Variants in NFIB observed in about 807,000 individuals in gnomAD.
NFIB encodes nuclear factor I B.
NFIB carries 11 observed loss-of-function variants against 61.5 expected under a neutral mutation model. The ratio of observed to expected loss-of-function variants is 0.18; its 90% CI spans 0.11 to 0.30. The LOEUF is 0.30. NFIB is among the 10% of genes least tolerant of loss of function. The pLI, the probability that NFIB is intolerant of heterozygous loss-of-function variation, is 1.00. For missense variants in NFIB, 471 were observed against 608.9 expected (o/e 0.77, Z 2.38); for synonymous variants, 260 against 216.5 (o/e 1.20, Z -1.76).
the NFIB span, among the ~76,000 whole-genome samples, chr9:14,524,249 T>C: frequency 6.6e-6 from 1 of 152,128 alleles, no homozygotes; most frequent in Non-Finnish European, 1.5e-5. Flanking sequence ...TCACACATAA[T>C]AAGTGCCATA....
At chr9:14,437,215 C>T in the NFIB span, among the ~76,000 whole-genome samples, 70 of 152,288 alleles carry the variant, frequency 4.6e-4, no homozygotes, top group African/African-American at 1.6e-3. Flanking sequence ...AATACATTTA[C>T]CAACAATATC....
chr9:14,127,428 T>C (rs1191019511), intron 6 of NFIB, among the ~76,000 whole-genome samples: 1 of 152,210 alleles, frequency 6.6e-6, no homozygotes, highest in Non-Finnish European at 1.5e-5. Context: ...TCGGCAATGA[T>C]CAACTCATAA....
At chr9:14,324,950 G>A (rs1213433383) in intron 1 of NFIB, among the ~76,000 whole-genome samples, 2 of 152,042 alleles carry the variant, frequency 1.3e-5, no homozygotes, top group Non-Finnish European at 1.5e-5. Context: ...TTACCTCAAC[G>A]TGTTGTTGCT....
At chr9:14,231,886 A>G (rs1345949365) in intron 2 of NFIB, among the ~76,000 whole-genome samples, 2 of 152,338 alleles carry the variant, frequency 1.3e-5, no homozygotes, top group Non-Finnish European at 2.9e-5. Flanking sequence ...TAACAAAAGC[A>G]AGGAGGAAAA....
rs1302992637 is a variant in NFIB at position 14,085,241 on chromosome 9, T to C, written c.*3068A>G. The C allele has an allele frequency of 2.2e-5, 5 of 227,864 alleles. No individual in the cohort carries two copies. Among genetic ancestry groups the C allele is most frequent in the Non-Finnish European group, 3.5e-5 (4 of 114,792 alleles). 14.1% of individuals were successfully genotyped at this position (227,864 alleles called of 1,614,324 possible). A position where few individuals can be genotyped will look rare whatever the true frequency, so the allele number is the denominator to read the frequency against. On this transcript the variant is annotated 3_prime_UTR_variant, in exon 11 of 11. Coordinates refer to ENST00000380953, the MANE Select transcript of NFIB (RefSeq NM_001190737.2). ...CTAAAGTATTCATTATTAAATGATATGCTGTGAGAACAATTGACAGTTTAT... is the reference window on the plus strand; with the variant it reads ...CTAAAGTATTCATTATTAAATGATACGCTGTGAGAACAATTGACAGTTTAT...
intron 10 of NFIB, among the ~76,000 whole-genome samples, chr9:14,111,675 A>C (rs2037399337): frequency 6.6e-6 from 1 of 152,204 alleles, no homozygotes; most frequent in African/African-American, 2.4e-5. Flanking sequence ...TAGAGGTGAA[A>C]AAAAAGCAAC....
At chr9:14,272,889 T>A (rs975898104) in intron 2 of NFIB, among the ~76,000 whole-genome samples, 1 of 152,156 alleles carries the variant, frequency 6.6e-6, no homozygotes, top group African/African-American at 2.4e-5. Flanking sequence ...TAATGCTGAG[T>A]TGATTTATGT....
upstream of NFIB, among the ~76,000 whole-genome samples, chr9:14,318,517 T>TC (rs1391043719): frequency 6.8e-6 from 1 of 147,412 alleles, no homozygotes; most frequent in Admixed American, 6.8e-5. Context: ...TTTTTTTTTT[T>TC]TTTTTTTTTT....
At chr9:14,347,014 C>T (rs2061032148) in intron 1 of NFIB, among the ~76,000 whole-genome samples, 1 of 151,958 alleles carries the variant, frequency 6.6e-6, no homozygotes, top group African/African-American at 2.4e-5. Flanking sequence ...CGAAACTAGG[C>T]CAGCGAAATC....
At chr9:14,387,403 G>T (rs950450857) in intron 1 of NFIB, among the ~76,000 whole-genome samples, 1 of 152,126 alleles carries the variant, frequency 6.6e-6, no homozygotes, top group African/African-American at 2.4e-5. Flanking sequence ...TTTGAGAAAA[G>T]TGATTCTAAA....
At position 14,313,379 on chromosome 9, in the gene NFIB, G is replaced by A; in HGVS notation, c.30+103C>T. 1 of 1,528,988 alleles carries A rather than the reference G, an allele frequency of 6.5e-7. No homozygotes were observed. The highest frequency in any genetic ancestry group is 2.3e-5 in the East Asian group (1 of 43,574). The allele number at this position is 1,528,988 out of a possible 1,614,324, so 94.7% of individuals were successfully genotyped here. ...TCCGGGCCACTTCTCCAAGGGACGG[G>A]GATGTGCGGAGGTTAACTCAAGCCG... On this transcript the variant is annotated intron_variant, in intron 1 of 10. Coordinates refer to ENST00000380953, the MANE Select transcript of NFIB (RefSeq NM_001190737.2). The surrounding 1 kb of genome is among the most constrained non-coding windows in gnomAD (Gnocchi z 4.5).
intron 2 of NFIB, among the ~76,000 whole-genome samples, chr9:14,218,912 T>G (rs1004710895): frequency 6.6e-6 from 1 of 152,158 alleles, no homozygotes; most frequent in Non-Finnish European, 1.5e-5. Context: ...CTCTTCGAAG[T>G]ACCACATGGA....
At chr9:14,318,420 G>A (rs899786145), upstream of NFIB, among the ~76,000 whole-genome samples, 1 of 150,940 alleles carries the variant, frequency 6.6e-6, no homozygotes, top group Admixed American at 6.6e-5. Flanking sequence ...TAAAGAAATT[G>A]CAGCGACAGG....
At chr9:14,361,181 A>C (rs1021698640) in intron 1 of NFIB, 1 of 151,970 alleles carries the variant, frequency 6.6e-6, no homozygotes, top group African/African-American at 2.4e-5. Flanking sequence ...AATCTAATTA[A>C]ATTCAGATAA....
intron 1 of NFIB, among the ~76,000 whole-genome samples, chr9:14,342,544 G>A (rs181399329): frequency 2.7e-5 from 4 of 149,092 alleles, no homozygotes; most frequent in African/African-American, 7.3e-5. Flanking sequence ...GGGAAGGAAG[G>A]CTCGTTTATT....
intron 7 of NFIB, among the ~76,000 whole-genome samples, chr9:14,121,525 G>A (rs988171707): frequency 6.6e-6 from 1 of 152,172 alleles, no homozygotes; most frequent in African/African-American, 2.4e-5. Context: ...TAATTGTCTG[G>A]TCATGGTATA....
At chr9:14,294,589 AAAAAG>A (rs1267635606) in intron 2 of NFIB, among the ~76,000 whole-genome samples, 3 of 152,192 alleles carry the variant, frequency 2.0e-5, no homozygotes, top group Admixed American at 6.5e-5. Flanking sequence ...GTGTGTTATC[AAAAAG>A]AAAAGGAATG....
intron 2 of NFIB, among the ~76,000 whole-genome samples, chr9:14,191,584 A>C (rs147294258): frequency 6.6e-6 from 1 of 152,178 alleles, no homozygotes; most frequent in Non-Finnish European, 1.5e-5. Context: ...TTTAATAGAG[A>C]TTCAAATCAA....
At chr9:14,204,625 G>GC (rs1156242722) in intron 2 of NFIB, 2 of 721,466 alleles carry the variant, frequency 2.8e-6, no homozygotes, top group Non-Finnish European at 4.9e-6. Context: ...CGGCAAAGGG[G>GC]ACCTCCCCAC....
Sources: gnomAD v4.1 joint callset for allele counts (sites outside exome capture counted in the v4.1 genomes callset) on GRCh38, gnomAD v4.1.1 for gene constraint, Gnocchi (gnomAD v3.1) non-coding constraint, MANE v1.5 for transcripts, NCBI Gene and HGNC (gene_info 2026-07-23, HGNC 2026-07-21) for gene names.